VWA5B1: variants seen among roughly 807,000 people sequenced by gnomAD.
VWA5B1 encodes the protein von Willebrand factor A domain-containing protein 5B1.
In VWA5B1, 115 loss-of-function variants were observed where a neutral mutation model predicts 118.2. The observed-to-expected ratio is 0.97, with a 90% CI of 0.84 to 1.14. VWA5B1 has a LOEUF of 1.14. Among genes scored for constraint, VWA5B1 ranks in the 50% most tolerant of loss-of-function variants. The probability of loss-of-function intolerance (pLI) is 0.00; values close to 1 mark genes in which losing one functional copy is unlikely to be tolerated. For synonymous variants in VWA5B1, 682 were observed against 658.4 expected (o/e 1.04, Z -0.55); for missense variants, 1,596 against 1,603.8 (o/e 1.00, Z 0.08).
Position 20,332,850 on chromosome 1 carries a change from C to G in VWA5B1, c.1657C>G (p.Leu553Val). 6.4e-7 allele frequency: 1 copy of G among 1,551,844 alleles called. No individual in the cohort carries two copies. The highest frequency in any genetic ancestry group is 2.4e-5 in the East Asian group (1 of 40,924). Reference sequence around the variant, plus strand: ...GATCTTCCCTGAGACCACTGAGGTCCTGGTCTCACCCGTCAGCGCCAGCTC... The same window carrying G: ...GATCTTCCCTGAGACCACTGAGGTCGTGGTCTCACCCGTCAGCGCCAGCTC... The part of the protein sequence containing the change: ...EWIFPETTEV[L>V]VSPVSASSLF... Residue 553 changes from leucine to valine, a missense_variant, in exon 12 of 22, where the codon CTG becomes GTG. Leu to Val is a conservative substitution (Grantham distance 32). Transcript: ENST00000289815.
Position 20,298,287 on chromosome 1 carries a change from A to T in VWA5B1, c.-27+7199A>T, listed in dbSNP as rs556943968. On this transcript the variant is annotated intron_variant, in intron 1 of 21. Transcript: ENST00000289815. ...CTTCCCAAATGGTAGGATTACAGGC[A>T]TGAGCCACCCTGCCCAGTCTCAGTG... Among the ~76,000 whole-genome samples the T allele has an allele frequency of 1.2e-4, 19 of 152,096 alleles. 1 individual carries two copies. In the South Asian group the frequency reaches 3.8e-3, roughly 30 times the overall value.
chr1:20,324,541 G>A (rs1250426226), intron 8 of VWA5B1, among the ~76,000 whole-genome samples: 1 of 152,140 alleles, frequency 6.6e-6, no homozygotes, highest in Admixed American at 6.5e-5. Flanking sequence ...CTGTGTTTAT[G>A]CATAAAAAGC....
At chr1:20,318,403 A>G (rs2089093442) in intron 5 of VWA5B1, 187 bp from the exon 6 acceptor site, 1 of 780,712 alleles carries the variant, frequency 1.3e-6, no homozygotes, top group South Asian at 1.6e-5. Flanking sequence ...GACACCATCT[A>G]TCTAAGCTTT....
At chr1:20,345,690 G>A in intron 17 of VWA5B1, 97 bp downstream of exon 17, 1 of 1,434,462 alleles carries the variant, frequency 7.0e-7, no homozygotes, top group Non-Finnish European at 9.2e-7. Flanking sequence ...AGACCAGCAG[G>A]GAGCGGGGTG....
rs1441803256 is a variant in VWA5B1, at chr1:20,330,901, GCCACAGACT to G, written c.1491_1499del (p.Cys497_Leu500delinsTrp). On this transcript the variant is annotated inframe_deletion, in exon 11 of 22. Transcript: ENST00000289815. ...AGCTTTGGAATTGGACCCAACGTCT[GCCACAGACT>G]GGTGAAAGGACTGGCATCTGTGTCC... The G allele has an allele frequency of 3.9e-6, 6 of 1,551,634 alleles. No individual in the cohort carries two copies. Among genetic ancestry groups the G allele is most frequent in the Non-Finnish European group, 5.2e-6 (6 of 1,147,020 alleles).
chr1:20,351,287 G>A (rs1020826292), intron 20 of VWA5B1, among the ~76,000 whole-genome samples: 4 of 152,176 alleles, frequency 2.6e-5, no homozygotes, highest in African/African-American at 2.4e-5. Context: ...GGGAGGCCGA[G>A]GCAGGAGGAT....
chr1:20,346,009 T>C (rs2090000250), intron 17 of VWA5B1, among the ~76,000 whole-genome samples: 1 of 152,218 alleles, frequency 6.6e-6, no homozygotes, highest in African/African-American at 2.4e-5. Flanking sequence ...GATATCAGCA[T>C]GTAGAGAAAT....
intron 13 of VWA5B1, 138 bp from the exon 14 acceptor site, chr1:20,337,508 C>A: frequency 1.0e-6 from 1 of 964,802 alleles, no homozygotes; most frequent in Non-Finnish European, 1.5e-6. Flanking sequence ...GCTTTGGATG[C>A]CAGGGGAGGC....
chr1:20,294,566 G>T (rs113751988), intron 1 of VWA5B1, among the ~76,000 whole-genome samples: 5,355 of 152,182 alleles, frequency 0.035, 135 homozygotes, highest in African/African-American at 0.065. Flanking sequence ...CGCAACCTCC[G>T]CCTCCCAGGT....
rs148802009 is a variant in VWA5B1, at chr1:20,340,522, C to G, written c.2134-1910C>G. Among the ~76,000 whole-genome samples the G allele has an allele frequency of 1.0e-3, 152 of 152,288 alleles. 2 individuals carry two copies. In the East Asian group the frequency reaches 0.027, roughly 27 times the overall value. On this transcript the variant is annotated intron_variant, in intron 14 of 21. Coordinates refer to ENST00000289815, the MANE Select transcript of VWA5B1 (RefSeq NM_001039500.3). ...TTAATGGGGAAGCACGGTCCGCCTC[C>G]TAATAAATACTTGATAGGGATGGAA...
In VWA5B1 at chr1:20,343,095, C is replaced by A. The variant is rs1362637913; in HGVS notation, c.2328C>A (p.Pro776=). 6.5e-7 allele frequency: 1 copy of A among 1,526,776 alleles called. No individual in the cohort carries two copies. The highest frequency in any genetic ancestry group is 2.0e-5 in the Admixed American group (1 of 49,364). The allele number at this position is 1,526,776 out of a possible 1,614,324, so 94.6% of individuals were successfully genotyped here. ...TGCCCGCAGAGCCGTCCCACCATCC[C>A]TCTGCCTTCGAGACAGAGACGTCCT... ...SPGDLEPSHH[P]SAFETETSSD... Residue 776 remains proline (P), a synonymous_variant, in exon 16 of 22, where the codon CCC becomes CCA. Coordinates refer to ENST00000289815, the MANE Select transcript of VWA5B1 (RefSeq NM_001039500.3).
intron 14 of VWA5B1, chr1:20,338,341 T>TTTTGTTTA (rs1396423957): frequency 6.3e-6 from 2 of 315,104 alleles, no homozygotes; most frequent in Non-Finnish European, 1.2e-5. Flanking sequence ...AGAGAGGATT[T>TTTTGTTTA]TTTGTTTATT....
chr1:20,340,847 C>A (rs2089857523), intron 14 of VWA5B1, among the ~76,000 whole-genome samples: 1 of 152,226 alleles, frequency 6.6e-6, no homozygotes, highest in African/African-American at 2.4e-5. Flanking sequence ...CAAACACATG[C>A]ATACACTATA....
At chr1:20,332,625 G>T (rs1045534963) in intron 11 of VWA5B1, 141 bp from the exon 12 acceptor site, 4 of 701,822 alleles carry the variant, frequency 5.7e-6, no homozygotes, top group Admixed American at 6.6e-5. Context: ...TCAGAAGTGT[G>T]CTCAGTGCTA....
At chr1:20,303,349 G>A (rs1166544058) in intron 1 of VWA5B1, 3 of 152,394 alleles carry the variant, frequency 2.0e-5, no homozygotes, top group Non-Finnish European at 4.4e-5. Context: ...CCAGGATGAG[G>A]GTGAGTTGCT....
intron 11 of VWA5B1, among the ~76,000 whole-genome samples, chr1:20,331,318 G>C (rs955914959): frequency 1.3e-5 from 2 of 152,214 alleles, no homozygotes; most frequent in Non-Finnish European, 2.9e-5. Context: ...GATGACAAAT[G>C]GTGGCTCAGA....
intron 1 of VWA5B1, among the ~76,000 whole-genome samples, chr1:20,305,855 C>T (rs1570063119): frequency 6.6e-6 from 1 of 152,032 alleles, no homozygotes; most frequent in Non-Finnish European, 1.5e-5. Flanking sequence ...GGAGCCGCCC[C>T]TGACCTCATG....
chr1:20,317,155 C>CA (rs367872784), intron 4 of VWA5B1, among the ~76,000 whole-genome samples: 8,383 of 69,968 alleles, frequency 0.12, 655 homozygotes, highest in African/African-American at 0.21. Flanking sequence ...GACTGCATCT[C>CA]AAAAAAAAAA....
intron 8 of VWA5B1, among the ~76,000 whole-genome samples, chr1:20,327,131 C>T (rs577838830): frequency 6.6e-6 from 1 of 152,126 alleles, no homozygotes; most frequent in Admixed American, 6.5e-5. Context: ...GCTGGGGTTA[C>T]ATGGGTTATG....
Sources: gnomAD v4.1 joint callset for allele counts (sites outside exome capture counted in the v4.1 genomes callset) on GRCh38, gnomAD v4.1.1 for gene constraint, MANE v1.5 for transcripts, NCBI Gene and HGNC (gene_info 2026-07-23, HGNC 2026-07-21) for gene names.